TSG101: variants seen among roughly 807,000 people sequenced by gnomAD.
The protein encoded by TSG101 is tumor susceptibility 101.
Under a neutral mutation model 48.5 loss-of-function variants are expected in TSG101, and 19 were observed. The observed-to-expected ratio is 0.39, with a 90% confidence interval of 0.27 to 0.58. TSG101 has a LOEUF of 0.58. TSG101 is among the 20% of genes least tolerant of loss of function. The pLI is 0.55. For synonymous variants in TSG101, 174 were observed against 169.4 expected, an observed-to-expected ratio of 1.03 and a Z score of -0.21; for missense variants, 365 against 484.4, an observed-to-expected ratio of 0.75 and a Z score of 2.31.
At chr11:18,526,709 G>T in intron 1 of TSG101, 66 bp downstream of exon 1, 1 of 1,561,930 alleles carries the variant, frequency 6.4e-7, no homozygotes. Context: ...GGGCCGGGAC[G>T]GACTCGACAG....
chr11:18,481,054 G>A (rs749666716), intron 9 of TSG101, among the ~76,000 whole-genome samples: 1 of 152,168 alleles, frequency 6.6e-6, no homozygotes, highest in Admixed American at 6.5e-5. Flanking sequence ...GCTACAGCTG[G>A]ATCAGATATC....
intron 6 of TSG101, among the ~76,000 whole-genome samples, chr11:18,504,590 ACTG>A (rs1460626686): frequency 6.6e-6 from 1 of 152,178 alleles, no homozygotes. Flanking sequence ...ACTGGGATAA[ACTG>A]CTCTTTTTTT....
At chr11:18,495,887 GCACTCCAGCC>G in intron 7 of TSG101, among the ~76,000 whole-genome samples, 1 of 150,216 alleles carries the variant, frequency 6.7e-6, no homozygotes, top group Middle Eastern at 3.2e-3. Flanking sequence ...TTGCATCACT[GCACTCCAGCC>G]TGGGCAACAG....
chr11:18,514,021 T>C (rs61884677), intron 4 of TSG101, among the ~76,000 whole-genome samples: 24,621 of 151,482 alleles, frequency 0.16, 2,598 homozygotes, highest in East Asian at 0.41. Context: ...GAGGTGGAGG[T>C]TGTAAGTGAG....
At chr11:18,521,360 T>TTTCTTTTC (rs1850270900) in intron 1 of TSG101, among the ~76,000 whole-genome samples, 4 of 86,012 alleles carry the variant, frequency 4.7e-5, no homozygotes, top group African/African-American at 1.7e-4. Flanking sequence ...AACTGATTCC[T>TTTCTTTTC]TTTTTTTTTT....
rs747386031 is a variant in TSG101, at chr11:18,483,850, G to A, written c.843+20C>T. The A allele has an allele frequency of 6.2e-7, 1 of 1,612,918 alleles. No individual in the cohort carries two copies. Among genetic ancestry groups the A allele is most frequent in the East Asian group, 2.2e-5 (1 of 44,878 alleles). On this transcript the variant is annotated intron_variant, in intron 8 of 9. Coordinates refer to ENST00000251968, the MANE Select transcript of TSG101 (RefSeq NM_006292.4). ...CTACAATTCAATCCAAAAATTTTAAGTCTTTAATGAGTCACTTACTACTTC... is the reference window on the plus strand; with the variant it reads ...CTACAATTCAATCCAAAAATTTTAAATCTTTAATGAGTCACTTACTACTTC...
intron 6 of TSG101, among the ~76,000 whole-genome samples, chr11:18,506,257 C>A (rs1327841261): frequency 2.6e-5 from 4 of 151,208 alleles, no homozygotes; most frequent in Non-Finnish European, 4.4e-5. Context: ...TGACAGTGAT[C>A]TCAATTGGTT....
chr11:18,504,402 A>G (rs766479880), intron 6 of TSG101, among the ~76,000 whole-genome samples: 11 of 151,970 alleles, frequency 7.2e-5, no homozygotes, highest in Non-Finnish European at 1.6e-4. Flanking sequence ...CTTCTCTTAT[A>G]TATCAGTATA....
chr11:18,519,406 G>A (rs1359635448), intron 2 of TSG101, 113 bp downstream of exon 2: 3 of 791,290 alleles, frequency 3.8e-6, no homozygotes, highest in South Asian at 1.6e-5. Flanking sequence ...TTAGGCGGTG[G>A]TGCAATCCCA....
intron 8 of TSG101, 136 bp from the exon 9 acceptor site, chr11:18,482,005 A>G (rs1849548527): frequency 1.3e-5 from 16 of 1,218,874 alleles, no homozygotes; most frequent in Non-Finnish European, 1.6e-5. Flanking sequence ...GTTTCAAATA[A>G]CACCCTGGTC....
chr11:18,505,326 G>A (rs541371624), intron 6 of TSG101, among the ~76,000 whole-genome samples: 7 of 151,292 alleles, frequency 4.6e-5, no homozygotes, highest in Non-Finnish European at 7.4e-5. Flanking sequence ...GTGCAATTAC[G>A]GCTCATTGCA....
chr11:18,499,871 C>T (rs1216003793), intron 7 of TSG101, among the ~76,000 whole-genome samples: 1 of 152,094 alleles, frequency 6.6e-6, no homozygotes, highest in African/African-American at 2.4e-5. Context: ...TTTAAGTCTT[C>T]TAGCTATTCT....
chr11:18,519,314 T>C (rs142724008), intron 2 of TSG101, among the ~76,000 whole-genome samples: 320 of 152,318 alleles, frequency 2.1e-3, no homozygotes, highest in Admixed American at 3.4e-3. Flanking sequence ...ACAGTATTTT[T>C]TTTTAACATA....
chr11:18,481,659 C>A lies in TSG101; in HGVS notation c.1054G>T (p.Gly352Cys). Residue 352 changes from glycine (G) to cysteine (C), a missense_variant, in exon 9 of 10, where the codon GGC becomes TGC. Coordinates refer to ENST00000251968, the MANE Select transcript of TSG101 (RefSeq NM_006292.4). ...IFYLGEALRR[G>C]VIDLDVFLKH... Reference sequence around the variant, plus strand: ...AGGAAGACATCCAGGTCTATCACGCCCCTTCTCAAGGCTTCTCCCAAGTAA... The same window carrying A: ...AGGAAGACATCCAGGTCTATCACGCACCTTCTCAAGGCTTCTCCCAAGTAA... The A allele has an allele frequency of 6.2e-7, 1 of 1,614,028 alleles. No homozygotes were observed. Among genetic ancestry groups the A allele is most frequent in the Non-Finnish European group, 8.5e-7 (1 of 1,179,988 alleles).
chr11:18,483,989 T>C lies in TSG101; in HGVS notation c.724A>G (p.Met242Val). The change falls in exon 8 of 10, where the codon ATG (methionine) becomes GTG (valine). Residue 242 changes from methionine to valine, a missense_variant. Physicochemically the swap from Met to Val is conservative, Grantham distance 21. Transcript: ENST00000251968. ...SAVSDKLRWR[M>V]KEEMDRAQAE... ...TGGGCACGATCCATTTCCTCCTTCA[T>C]CCGCCATCTCAGTTTGTCACTGACC... 6.2e-7 allele frequency: 1 copy of C among 1,614,194 alleles called. No individual in the cohort carries two copies. Among genetic ancestry groups the C allele is most frequent in the East Asian group, 2.2e-5 (1 of 44,890 alleles).
At chr11:18,511,096 C>T (rs1053293714) in intron 4 of TSG101, 16 of 152,196 alleles carry the variant, frequency 1.1e-4, no homozygotes, top group African/African-American at 3.6e-4. Context: ...CATAAGTTCA[C>T]TGAGTTCTGA....
In TSG101 at chr11:18,516,167, G is replaced by A. The variant is rs1850168217; in HGVS notation, c.128-3C>T. 6.2e-7 allele frequency: 1 copy of A among 1,613,216 alleles called. No individual in the cohort carries two copies. The highest frequency in any genetic ancestry group is 2.2e-5 in the East Asian group (1 of 44,846). On this transcript the variant is annotated splice_region_variant and splice_polypyrimidine_tract_variant and intron_variant, in intron 2 of 9. Transcript: ENST00000251968. The stretch of plus-strand genomic sequence containing the variant: ...CCTGGAACTGCCATCGTTAAAAACT[G>A]AAAGGAAAGAACAATGATTTAATCA...
chr11:18,513,180 G>A (rs1051150828), intron 4 of TSG101, among the ~76,000 whole-genome samples: 16 of 151,746 alleles, frequency 1.1e-4, no homozygotes, highest in Non-Finnish European at 8.8e-5. Context: ...ACCTAAGACT[G>A]CTGAAAACTT....
chr11:18,480,487 A>ATAAAAGGAAGAGAAGAATAC lies in TSG101; in HGVS notation c.*39_*58dup. 1 of 1,387,402 alleles carries ATAAAAGGAAGAGAAGAATAC rather than the reference A, an allele frequency of 7.2e-7. No individual in the cohort carries two copies. 85.9% of individuals were successfully genotyped at this position (1,387,402 alleles called of 1,614,324 possible). ...AATAACTTATTCTGGGCACCTACTGATAAAAGGAAGAGAAGAATACTTTAA... is the reference window on the plus strand; with the variant it reads ...AATAACTTATTCTGGGCACCTACTGATAAAAGGAAGAGAAGAATACTAAAAGGAAGAGAAGAATACTTTAA... On this transcript the variant is annotated 3_prime_UTR_variant, in exon 10 of 10. Transcript: ENST00000251968.
Sources: allele counts gnomAD v4.1 joint callset (sites outside exome capture counted in the v4.1 genomes callset), GRCh38; gene constraint gnomAD v4.1.1; transcripts MANE v1.5; gene names NCBI Gene and HGNC (gene_info 2026-07-23, HGNC 2026-07-21).